DEPDC5: variants seen among roughly 807,000 people sequenced by gnomAD.
DEPDC5 encodes DEP domain containing 5, GATOR1 subcomplex subunit.
In DEPDC5, 73 loss-of-function variants were observed where a neutral mutation model predicts 217.3. The observed-to-expected ratio is 0.34, with a 90% CI of 0.28 to 0.41. DEPDC5 has a LOEUF of 0.41. Among genes scored for constraint, DEPDC5 ranks in the 10% least tolerant of loss-of-function variants. The pLI is 1.00. For missense variants in DEPDC5, 1,675 were observed against 2,070.1 expected, an observed-to-expected ratio of 0.81 and a Z score of 3.70; for synonymous variants, 733 against 756.7, an observed-to-expected ratio of 0.97 and a Z score of 0.51.
intron 6 of DEPDC5, among the ~76,000 whole-genome samples, chr22:31,767,891 G>A (rs1364747492): frequency 4.0e-5 from 6 of 151,150 alleles, no homozygotes; most frequent in African/African-American, 1.5e-4. Context: ...GATTACAGGC[G>A]CCCGCCACCA....
At chr22:31,884,425 A>G (rs1446307365) in intron 38 of DEPDC5, among the ~76,000 whole-genome samples, 1 of 152,194 alleles carries the variant, frequency 6.6e-6, no homozygotes, top group African/African-American at 2.4e-5. Flanking sequence ...TTCCCAATGC[A>G]GGGAGCCCAT....
rs74459381 is a variant in DEPDC5 at position 31,764,878 on chromosome 22, A to G, written c.194-97A>G. ...GTGTGTTGCCCGTGTCAGATGATCA[A>G]TTGTGTTGCTTACTGAGTTGAGTGT... is the stretch of plus-strand genomic sequence containing the variant. On this transcript the variant is annotated intron_variant, in intron 4 of 42. Coordinates refer to ENST00000651528, the MANE Select transcript of DEPDC5 (RefSeq NM_001242896.3). 30,029 of 852,874 alleles carry G rather than the reference A, an allele frequency of 0.035. 727 individuals carry two copies. Among genetic ancestry groups the G allele is most frequent in the South Asian group, 0.056 (3,830 of 68,604 alleles). The allele number at this position is 852,874 out of a possible 1,614,324, so 52.8% of individuals were successfully genotyped here. A position where few individuals can be genotyped will look rare whatever the true frequency, so the allele number is the denominator to read the frequency against.
chr22:31,835,900 G>T (rs974284500), intron 25 of DEPDC5, among the ~76,000 whole-genome samples: 1 of 152,200 alleles, frequency 6.6e-6, no homozygotes, highest in African/African-American at 2.4e-5. Flanking sequence ...CTTCATTGAC[G>T]GGAGGGCTGA....
intron 25 of DEPDC5, among the ~76,000 whole-genome samples, chr22:31,834,920 G>A (rs996725752): frequency 3.9e-5 from 6 of 152,130 alleles, no homozygotes; most frequent in Non-Finnish European, 8.8e-5. Context: ...ACTGTATCTT[G>A]GTTTGAGTAG....
At chr22:31,800,670 C>T (rs2086772540) in intron 14 of DEPDC5, among the ~76,000 whole-genome samples, 1 of 151,752 alleles carries the variant, frequency 6.6e-6, no homozygotes, top group African/African-American at 2.4e-5. Flanking sequence ...AAATTAAAAT[C>T]TACTTTAAAA....
At chr22:31,811,909 T>C (rs1295955493) in intron 20 of DEPDC5, among the ~76,000 whole-genome samples, 2 of 152,232 alleles carry the variant, frequency 1.3e-5, no homozygotes, top group Non-Finnish European at 2.9e-5. Flanking sequence ...GGGTCTTGTG[T>C]AAGAAAGCAC....
intron 7 of DEPDC5, 122 bp from the exon 8 acceptor site, chr22:31,777,977 A>G: frequency 9.7e-7 from 1 of 1,036,082 alleles, no homozygotes; most frequent in South Asian, 1.3e-5. Context: ...CGAAGTCCTG[A>G]CCTCAGGTAA....
At position 31,876,194 on chromosome 22, in the gene DEPDC5, G is replaced by A. The variant is rs1422878202; in HGVS notation, c.3734G>A (p.Gly1245Asp). The change falls in exon 37 of 43, where the codon GGC becomes GAC. Residue 1245 changes from glycine (G) to aspartate (D), a missense_variant. Physicochemically the swap from Gly to Asp is moderately conservative, Grantham distance 94 (BLOSUM62 -1). Transcript: ENST00000651528. ...GAGCAGCTCATCACACATGCATCTG[G>A]CGAAGCCTGGCGGACCTTCATCTAC... is the stretch of plus-strand genomic sequence containing the variant. Reference protein sequence around the residue: ...LEEQLITHASGEAWRTFIYGF... With the variant: ...LEEQLITHASDEAWRTFIYGF... 4 of 1,614,016 alleles carry A rather than the reference G, an allele frequency of 2.5e-6. No homozygotes were observed. Among genetic ancestry groups the A allele is most frequent in the Non-Finnish European group, 3.4e-6 (4 of 1,180,014 alleles).
chr22:31,795,605 G>T (rs28574575), intron 12 of DEPDC5, among the ~76,000 whole-genome samples: 29,333 of 151,920 alleles, frequency 0.19, 3,475 homozygotes, highest in African/African-American at 0.35. Flanking sequence ...TGTTGGCCAG[G>T]CTGGTCTCGA....
intron 24 of DEPDC5, among the ~76,000 whole-genome samples, chr22:31,828,364 T>G (rs1032862797): frequency 2.0e-5 from 3 of 147,270 alleles, no homozygotes; most frequent in African/African-American, 5.0e-5. Context: ...GGCAGGAGAA[T>G]CGCTTTGAAC....
chr22:31,859,015 A>G (rs1255084491), intron 32 of DEPDC5: 1 of 151,984 alleles, frequency 6.6e-6, no homozygotes. Context: ...CAAGAGGCAA[A>G]GCAAAGCTAT....
chr22:31,865,096 G>A (rs1389862337), intron 33 of DEPDC5, among the ~76,000 whole-genome samples: 1 of 152,102 alleles, frequency 6.6e-6, no homozygotes, highest in Non-Finnish European at 1.5e-5. Context: ...AAAGTGCTGG[G>A]ATTACAGGCG....
intron 37 of DEPDC5, among the ~76,000 whole-genome samples, chr22:31,879,304 C>T (rs2093108702): frequency 6.6e-6 from 1 of 151,856 alleles, no homozygotes. Flanking sequence ...GAGTCACCTT[C>T]CAACTCCTCC....
chr22:31,806,838 C>T (rs2087599966), intron 18 of DEPDC5, among the ~76,000 whole-genome samples: 1 of 152,110 alleles, frequency 6.6e-6, no homozygotes. Context: ...AGTGAGACCC[C>T]ATTTCTGTAA....
At chr22:31,826,428 G>C (rs1395214466) in intron 24 of DEPDC5, 1 of 414,468 alleles carries the variant, frequency 2.4e-6, no homozygotes, top group Non-Finnish European at 4.8e-6. Context: ...TTGTATTCCA[G>C]GCATTTCTTG....
rs1345423947 is a variant in DEPDC5 at position 31,857,568 on chromosome 22, G to T, written c.3264+15G>T. 10 of 1,593,284 alleles carry T rather than the reference G, an allele frequency of 6.3e-6. No individual in the cohort carries two copies. The highest frequency in any genetic ancestry group is 2.3e-5 in the East Asian group (1 of 44,220). On this transcript the variant is annotated intron_variant, in intron 32 of 42. Transcript: ENST00000651528. ...GCCCACGAAAGGTAAAGGAAGCCGC[G>T]GTAGCAGGGAGCTGTTCTGTGCTCT...
intron 7 of DEPDC5, among the ~76,000 whole-genome samples, chr22:31,776,062 T>C (rs1305300003): frequency 1.4e-5 from 2 of 144,910 alleles, no homozygotes; most frequent in Non-Finnish European, 1.5e-5. Flanking sequence ...AAAAAAAAAG[T>C]GAAAGCAGCT....
At chr22:31,828,296 A>G (rs893109169) in intron 24 of DEPDC5, among the ~76,000 whole-genome samples, 1 of 152,102 alleles carries the variant, frequency 6.6e-6, no homozygotes, top group Non-Finnish European at 1.5e-5. Context: ...TGCTAAAAAT[A>G]CAAAATTAGC....
intron 10 of DEPDC5, among the ~76,000 whole-genome samples, chr22:31,788,731 G>A (rs137960880): frequency 0.028 from 4,288 of 151,552 alleles, 84 homozygotes; most frequent in African/African-American, 0.052. Flanking sequence ...CCACCACCAC[G>A]CCCATCTAAT....
Sources: allele counts gnomAD v4.1 joint callset (sites outside exome capture counted in the v4.1 genomes callset), GRCh38; gene constraint gnomAD v4.1.1; transcripts MANE v1.5; gene names NCBI Gene and HGNC (gene_info 2026-07-23, HGNC 2026-07-21).